Variants in ITGA8 observed in about 807,000 individuals in gnomAD.
ITGA8 encodes integrin subunit alpha 8.
A neutral mutation model predicts 142.3 loss-of-function variants in ITGA8; 91 were observed. The ratio of observed to expected loss-of-function variants is 0.64; its 90% CI spans 0.54 to 0.76. The LOEUF is 0.76. Ranked by LOEUF, ITGA8 falls within the 30% of genes least tolerant of loss-of-function variation. ITGA8 has a pLI of 0.00. For missense variants in ITGA8, 1,406 were observed against 1,327.7 expected, an observed-to-expected ratio of 1.06 and a Z score of -0.92; for synonymous variants, 505 against 485.2, an observed-to-expected ratio of 1.04 and a Z score of -0.54.
At chr10:15,677,777 G>T (rs991875447) in intron 5 of ITGA8, 140 bp from the exon 6 acceptor site, 1 of 623,600 alleles carries the variant, frequency 1.6e-6, no homozygotes, top group Non-Finnish European at 2.7e-6. Flanking sequence ...GAGATCCTTC[G>T]GAGGCCTGCA....
At chr10:15,600,668 C>T (rs1833089086) in intron 20 of ITGA8, among the ~76,000 whole-genome samples, 1 of 152,176 alleles carries the variant, frequency 6.6e-6, no homozygotes, top group African/African-American at 2.4e-5. Flanking sequence ...AAGACAGTAC[C>T]ATGCTCAGAT....
Position 15,592,147 on chromosome 10 carries a change from T to G in ITGA8, c.2291+78A>C, listed in dbSNP as rs187588109. ...AGGTGAGCTTTTAAGGCCAAGGGCCTTGACAGATGACATCATTTCACTGTG... is the reference window on the plus strand; with the variant it reads ...AGGTGAGCTTTTAAGGCCAAGGGCCGTGACAGATGACATCATTTCACTGTG... On this transcript the variant is annotated intron_variant, in intron 22 of 29. Transcript: ENST00000378076. 2.6e-5 allele frequency: 28 copies of G among 1,074,380 alleles called. No individual in the cohort carries two copies. In the East Asian group the frequency reaches 3.4e-4, roughly 13 times the overall value. The allele number at this position is 1,074,380 out of a possible 1,614,324, so 66.6% of individuals were successfully genotyped here. A position where few individuals can be genotyped will look rare whatever the true frequency, so the allele number is the denominator to read the frequency against.
At chr10:15,565,199 C>T (rs1834056013) in intron 25 of ITGA8, among the ~76,000 whole-genome samples, 1 of 152,200 alleles carries the variant, frequency 6.6e-6, no homozygotes, top group East Asian at 1.9e-4. Context: ...TCACAGGTAG[C>T]ATTCCCATAA....
intron 25 of ITGA8, among the ~76,000 whole-genome samples, chr10:15,564,630 T>C (rs1834045924): frequency 6.6e-6 from 1 of 152,244 alleles, no homozygotes; most frequent in African/African-American, 2.4e-5. Context: ...CACTGTGTCA[T>C]AGGTTTAAAT....
intron 3 of ITGA8, among the ~76,000 whole-genome samples, chr10:15,686,928 A>T (rs1050156748): frequency 6.6e-6 from 1 of 152,224 alleles, no homozygotes; most frequent in Admixed American, 6.5e-5. Flanking sequence ...AAATCAAAAC[A>T]GTATCCAAAA....
intron 3 of ITGA8, 122 bp from the exon 4 acceptor site, chr10:15,684,249 T>C: frequency 1.1e-6 from 1 of 915,198 alleles, no homozygotes; most frequent in Non-Finnish European, 1.6e-6. Context: ...GCCTCTAGCA[T>C]GCTAATGAGT....
intron 19 of ITGA8, 78 bp from the exon 20 acceptor site, chr10:15,604,433 A>C: frequency 8.1e-7 from 1 of 1,228,488 alleles, no homozygotes; most frequent in Non-Finnish European, 1.1e-6. Flanking sequence ...GGATTTATAG[A>C]GGAGGAAAAG....
intron 5 of ITGA8, 42 bp downstream of exon 5, chr10:15,678,680 A>G (rs746333311): frequency 1.4e-6 from 2 of 1,415,230 alleles, no homozygotes; most frequent in Non-Finnish European, 2.0e-6. Flanking sequence ...GTAAAAAAAA[A>G]TCAGATTAAA....
intron 2 of ITGA8, among the ~76,000 whole-genome samples, chr10:15,701,678 C>T (rs1347027049): frequency 6.6e-6 from 1 of 152,180 alleles, no homozygotes; most frequent in Non-Finnish European, 1.5e-5. Flanking sequence ...TGTGACCAAA[C>T]ATTTTGGCAG....
chr10:15,643,366 G>A (rs569358737), intron 13 of ITGA8, among the ~76,000 whole-genome samples: 133 of 152,184 alleles, frequency 8.7e-4, no homozygotes, highest in Non-Finnish European at 1.6e-3. Flanking sequence ...TGCAGCCTCC[G>A]CCTCCCGGGT....
intron 8 of ITGA8, among the ~76,000 whole-genome samples, chr10:15,664,770 G>T (rs561304097): frequency 3.2e-4 from 48 of 149,584 alleles, no homozygotes; most frequent in African/African-American, 1.1e-3. Context: ...TGCAGTGTTT[G>T]GTTTTTTGTC....
At chr10:15,667,304 A>G (rs562509157) in intron 8 of ITGA8, among the ~76,000 whole-genome samples, 1 of 151,346 alleles carries the variant, frequency 6.6e-6, no homozygotes, top group Admixed American at 6.6e-5. Flanking sequence ...GTTTATTTGC[A>G]TAGAGTTGTT....
chr10:15,572,505 A>G, intron 24 of ITGA8, 136 bp from the exon 25 acceptor site: 1 of 767,076 alleles, frequency 1.3e-6, no homozygotes, highest in Non-Finnish European at 2.0e-6. Context: ...TATGGAAAAT[A>G]AGAAAATTCA....
intron 18 of ITGA8, 35 bp from the exon 19 acceptor site, chr10:15,605,826 G>T: frequency 1.3e-6 from 2 of 1,588,470 alleles, no homozygotes; most frequent in South Asian, 1.1e-5. Flanking sequence ...GAACAATCTA[G>T]GAAAATCTGA....
intron 8 of ITGA8, among the ~76,000 whole-genome samples, chr10:15,665,032 G>C (rs577800521): frequency 3.3e-5 from 5 of 152,166 alleles, no homozygotes; most frequent in Non-Finnish European, 1.5e-5. Context: ...TATATACCCA[G>C]TAATGGGATT....
Position 15,519,293 on chromosome 10 carries a change from C to G in ITGA8, c.3102G>C (p.Trp1034Cys). ...LVLAILTLALWKCGFFDRARP... is the reference protein window; with the variant it reads ...LVLAILTLALCKCGFFDRARP... ...AAAACAAAGTAAATCAACTTACCTT[C>G]CATAAAGCTAAGGTTAAAATGGCGA... is the stretch of plus-strand genomic sequence containing the variant. Residue 1034 changes from tryptophan to cysteine, a missense_variant, in exon 29 of 30, where the codon TGG (tryptophan) becomes TGC (cysteine). Trp to Cys is a radical substitution (Grantham distance 215, BLOSUM62 -2). Transcript: ENST00000378076. The G allele has an allele frequency of 6.2e-7, 1 of 1,613,436 alleles. No homozygotes were observed. Among genetic ancestry groups the G allele is most frequent in the Non-Finnish European group, 8.5e-7 (1 of 1,179,790 alleles).
At chr10:15,719,061 C>T (rs1835507724) in intron 1 of ITGA8, among the ~76,000 whole-genome samples, 162 bp from the exon 2 acceptor site, 2 of 152,090 alleles carry the variant, frequency 1.3e-5, no homozygotes, top group African/African-American at 2.4e-5. Flanking sequence ...CTCTTGGAAA[C>T]GGGGGTCCGC....
At chr10:15,586,150 C>G (rs1832827352) in intron 23 of ITGA8, among the ~76,000 whole-genome samples, 1 of 150,090 alleles carries the variant, frequency 6.7e-6, no homozygotes, top group South Asian at 2.1e-4. Context: ...CCTCTGCCTC[C>G]CGGGTTCAAG....
intron 25 of ITGA8, among the ~76,000 whole-genome samples, chr10:15,565,680 C>T (rs1328197603): frequency 7.0e-6 from 1 of 143,436 alleles, no homozygotes; most frequent in Non-Finnish European, 1.5e-5. Context: ...ACCTCTGTCT[C>T]CCGGGTTCAA....
Sources: gnomAD v4.1 joint callset for allele counts (sites outside exome capture counted in the v4.1 genomes callset) on GRCh38, gnomAD v4.1.1 for gene constraint, MANE v1.5 for transcripts, NCBI Gene and HGNC (gene_info 2026-07-23, HGNC 2026-07-21) for gene names.